The following DLAT variants were observed in gnomAD, a reference collection of about 807,000 sequenced individuals.
DLAT encodes dihydrolipoyllysine-residue acetyltransferase component of pyruvate dehydrogenase complex, mitochondrial.
DLAT carries 43 observed loss-of-function variants against 68.0 expected under a neutral mutation model. The ratio of observed to expected loss-of-function variants is 0.63; its 90% CI spans 0.50 to 0.81. The LOEUF (loss-of-function observed/expected upper bound fraction) is 0.81, where lower values mean the gene tolerates loss of function less well. Among genes scored for constraint, DLAT ranks in the 40% least tolerant of loss-of-function variants. The pLI is 0.00. For synonymous variants in DLAT, 265 were observed against 288.6 expected, an observed-to-expected ratio of 0.92 and a Z score of 0.83; for missense variants, 745 against 815.4, an observed-to-expected ratio of 0.91 and a Z score of 1.05.
chr11:112,062,493 G>A lies in DLAT; in HGVS notation c.1902G>A (p.Glu634=). The change falls in exon 14 of 14, where the codon GAG becomes GAA. Residue 634 remains glutamate (E), a synonymous_variant. Coordinates refer to ENST00000280346, the MANE Select transcript of DLAT (RefSeq NM_001931.5). ...DGAVGAQWLA[E]FRKYLEKPIT... ...CAGTTGGAGCCCAGTGGCTTGCTGA[G>A]TTTAGAAAGTACCTTGAAAAACCTA... 1 of 1,612,632 alleles carries A rather than the reference G, an allele frequency of 6.2e-7. No individual in the cohort carries two copies. Among genetic ancestry groups the A allele is most frequent in the Non-Finnish European group, 8.5e-7 (1 of 1,180,010 alleles).
chr11:112,027,681 C>T (rs1313570555), intron 2 of DLAT, among the ~76,000 whole-genome samples: 5 of 152,206 alleles, frequency 3.3e-5, no homozygotes, highest in African/African-American at 1.2e-4. Context: ...GCGGATCACT[C>T]GCGGTTAGGA....
In DLAT at chr11:112,025,765, C is replaced by T; in HGVS notation, c.279+14C>T. The T allele has an allele frequency of 6.2e-7, 1 of 1,612,804 alleles. No homozygotes were observed. The highest frequency in any genetic ancestry group is 8.5e-7 in the Non-Finnish European group (1 of 1,179,846). On this transcript the variant is annotated intron_variant, in intron 1 of 13. Coordinates refer to ENST00000280346, the MANE Select transcript of DLAT (RefSeq NM_001931.5). ...CCGCATCAGAAGGTGAGCCCTAGACCCCCCTTCTCGGGACCCCGTTGTCCT... is the reference window on the plus strand; with the variant it reads ...CCGCATCAGAAGGTGAGCCCTAGACTCCCCTTCTCGGGACCCCGTTGTCCT...
intron 5 of DLAT, among the ~76,000 whole-genome samples, chr11:112,034,257 G>T (rs1566615620): frequency 6.6e-6 from 1 of 152,150 alleles, no homozygotes; most frequent in East Asian, 1.9e-4. Flanking sequence ...TAATAGCAAA[G>T]AATTTAAGAT....
At chr11:112,042,209 C>T (rs1469880104) in intron 7 of DLAT, among the ~76,000 whole-genome samples, 1 of 152,138 alleles carries the variant, frequency 6.6e-6, no homozygotes, top group African/African-American at 2.4e-5. Context: ...TTATGATGGC[C>T]TGTTGTGCCG....
intron 8 of DLAT, 110 bp from the exon 9 acceptor site, chr11:112,045,028 C>G (rs964529125): frequency 1.1e-4 from 81 of 769,246 alleles, no homozygotes; most frequent in Non-Finnish European, 1.5e-4. Context: ...GAGCAAGACT[C>G]TGTCTCAAAA....
At chr11:112,037,161 G>C in intron 5 of DLAT, 112 bp from the exon 6 acceptor site, 1 of 997,030 alleles carries the variant, frequency 1.0e-6, no homozygotes, top group African/African-American at 1.6e-5. Flanking sequence ...TTGCAAAAAA[G>C]GCTATATAGC....
chr11:112,055,944 T>G (rs1555182501), intron 11 of DLAT, among the ~76,000 whole-genome samples: 1 of 138,930 alleles, frequency 7.2e-6, no homozygotes, highest in Non-Finnish European at 1.5e-5. Flanking sequence ...CTCCGCTCAT[T>G]GCAACCTCCG....
chr11:112,036,467 T>C (rs57116756), intron 5 of DLAT, among the ~76,000 whole-genome samples: 6,348 of 149,732 alleles, frequency 0.042, 354 homozygotes, highest in African/African-American at 0.13. Context: ...CCCGCCTCGG[T>C]CTCCCAAAGT....
intron 13 of DLAT, among the ~76,000 whole-genome samples, chr11:112,061,791 G>A (rs1207816587): frequency 6.6e-6 from 1 of 152,098 alleles, no homozygotes; most frequent in East Asian, 1.9e-4. Flanking sequence ...CACCATGTAG[G>A]CCAGGCTGGT....
intron 11 of DLAT, among the ~76,000 whole-genome samples, 170 bp from the exon 12 acceptor site, chr11:112,059,733 A>G (rs1023165898): frequency 6.6e-6 from 1 of 152,218 alleles, no homozygotes; most frequent in Non-Finnish European, 1.5e-5. Flanking sequence ...AGGAGAGGGC[A>G]CAGCAAAATG....
chr11:112,051,139 A>T lies in DLAT; in HGVS notation c.1399-95A>T. The stretch of plus-strand genomic sequence containing the variant: ...ACCACCATGGCACATGTTTACCTAT[A>T]TAATAAACCTGGACATTCTGCACAT... On this transcript the variant is annotated intron_variant, in intron 10 of 13. Coordinates refer to ENST00000280346, the MANE Select transcript of DLAT (RefSeq NM_001931.5). This position sits in a 1 kb window ranked among gnomAD's most constrained non-coding sequence, Gnocchi z 4.3. The T allele has an allele frequency of 1.2e-6, 1 of 832,472 alleles. No individual in the cohort carries two copies. The highest frequency in any genetic ancestry group is 1.9e-6 in the Non-Finnish European group (1 of 523,270). The allele number at this position is 832,472 out of a possible 1,614,324, so 51.6% of individuals were successfully genotyped here. A position where few individuals can be genotyped will look rare whatever the true frequency, so the allele number is the denominator to read the frequency against.
At chr11:112,033,580 G>A (rs1465595554) in intron 5 of DLAT, 50 bp downstream of exon 5, 35 of 1,606,998 alleles carry the variant, frequency 2.2e-5, no homozygotes, top group Non-Finnish European at 2.9e-5. Flanking sequence ...TTCCCAATGA[G>A]GAAGAGGATT....
rs1025904469 is a variant in DLAT, at chr11:112,063,071, C to A, written c.*536C>A. The A allele has an allele frequency of 6.5e-6, 1 of 154,874 alleles. No individual in the cohort carries two copies. Among genetic ancestry groups the A allele is most frequent in the African/African-American group, 2.4e-5 (1 of 41,430 alleles). 9.6% of individuals were successfully genotyped at this position (154,874 alleles called of 1,614,324 possible). On this transcript the variant is annotated 3_prime_UTR_variant, in exon 14 of 14. Transcript: ENST00000280346. ...TATCATCGATGGGAAGGGTAGAAAA[C>A]TTCAAGGAAAATAAGTGAAATTTTA...
chr11:112,046,265 C>A (rs1863310612), intron 10 of DLAT, among the ~76,000 whole-genome samples: 1 of 152,024 alleles, frequency 6.6e-6, no homozygotes, highest in African/African-American at 2.4e-5. Flanking sequence ...ATATTCAGGT[C>A]TTTGCTCTAT....
At chr11:112,050,673 G>C (rs1863568503) in intron 10 of DLAT, among the ~76,000 whole-genome samples, 1 of 152,122 alleles carries the variant, frequency 6.6e-6, no homozygotes, top group Non-Finnish European at 1.5e-5. Flanking sequence ...AGATAGTAAT[G>C]TCCCCTATTT....
intron 4 of DLAT, among the ~76,000 whole-genome samples, chr11:112,029,669 A>T (rs1262703022): frequency 6.6e-5 from 10 of 151,876 alleles, no homozygotes; most frequent in Non-Finnish European, 1.2e-4. Context: ...CCACATACAA[A>T]AAAACTTTAT....
In DLAT at chr11:112,038,447, C is replaced by T. The variant is rs587734156; in HGVS notation, c.976-797C>T. Among the ~76,000 whole-genome samples the T allele has an allele frequency of 2.6e-5, 4 of 151,796 alleles. No homozygotes were observed. The South Asian group carries it at 8.4e-4, about 32-fold the overall frequency. Reference sequence around the variant, plus strand: ...CTCCTGACCTCAGGTGATCCACCCACCTCGGCCTCCCAAAGTGCTGGGATT... The same window carrying T: ...CTCCTGACCTCAGGTGATCCACCCATCTCGGCCTCCCAAAGTGCTGGGATT... On this transcript the variant is annotated intron_variant, in intron 6 of 13. Transcript: ENST00000280346.
chr11:112,057,191 A>C (rs1457377112), intron 11 of DLAT, among the ~76,000 whole-genome samples: 2 of 152,200 alleles, frequency 1.3e-5, no homozygotes, highest in Non-Finnish European at 2.9e-5. Context: ...GAATTGATAG[A>C]ATTATCAACC....
chr11:112,028,709 A>G, intron 3 of DLAT, 70 bp downstream of exon 3: 13 of 1,613,936 alleles, frequency 8.1e-6, no homozygotes, highest in Non-Finnish European at 1.1e-5. Flanking sequence ...ATTGAGAATT[A>G]GGAGTTAAAG....
Sources: gnomAD v4.1 joint callset for allele counts (sites outside exome capture counted in the v4.1 genomes callset) on GRCh38, gnomAD v4.1.1 for gene constraint, Gnocchi (gnomAD v3.1) non-coding constraint, MANE v1.5 for transcripts, NCBI Gene and HGNC (gene_info 2026-07-23, HGNC 2026-07-21) for gene names.